Variants in LTBP1 observed in about 807,000 individuals in gnomAD.
The protein encoded by LTBP1 is latent-transforming growth factor beta-binding protein 1.
A neutral mutation model predicts 207.6 loss-of-function variants in LTBP1; 129 were observed. That is an observed-to-expected ratio of 0.62 (90% CI 0.54 to 0.72). The LOEUF (loss-of-function observed/expected upper bound fraction) is 0.72, where lower values mean the gene tolerates loss of function less well. Among genes scored for constraint, LTBP1 ranks in the 30% least tolerant of loss-of-function variants. The pLI is 0.00. For synonymous variants in LTBP1, 963 were observed against 833.7 expected (o/e 1.16, Z -2.67); for missense variants, 2,281 against 2,217.2 (o/e 1.03, Z -0.58).
chr2:33,361,905 C>CTG (rs1269436909), intron 28 of LTBP1, among the ~76,000 whole-genome samples: 2 of 152,158 alleles, frequency 1.3e-5, no homozygotes, highest in East Asian at 3.8e-4. Context: ...AATTTGACCA[C>CTG]TGTTTGTCTT....
At chr2:33,175,390 G>A (rs981671058) in intron 5 of LTBP1, among the ~76,000 whole-genome samples, 3 of 152,030 alleles carry the variant, frequency 2.0e-5, no homozygotes, top group East Asian at 1.9e-4. Context: ...GCAGCCAAAA[G>A]ACACATGAAA....
intron 3 of LTBP1, among the ~76,000 whole-genome samples, chr2:33,092,954 T>C (rs1458108108): frequency 6.6e-6 from 1 of 152,206 alleles, no homozygotes; most frequent in East Asian, 1.9e-4. Flanking sequence ...CCTGCACTCC[T>C]TCCTTTTAGG....
chr2:33,171,475 C>T (rs1209390903), intron 5 of LTBP1, among the ~76,000 whole-genome samples: 16 of 150,450 alleles, frequency 1.1e-4, no homozygotes, highest in South Asian at 4.2e-4. Flanking sequence ...TAAAAAGAAA[C>T]GAACAAAGCC....
chr2:33,051,507 A>G (rs898298971), intron 3 of LTBP1, among the ~76,000 whole-genome samples: 18 of 152,204 alleles, frequency 1.2e-4, no homozygotes, highest in Admixed American at 1.2e-3. Context: ...AGAGGCAGTT[A>G]GGCAGCCCCC....
intron 2 of LTBP1, among the ~76,000 whole-genome samples, chr2:32,979,561 T>C (rs1447335503): frequency 6.6e-6 from 1 of 152,136 alleles, no homozygotes; most frequent in Non-Finnish European, 1.5e-5. Flanking sequence ...AAATACTTAA[T>C]ATAATTTCAG....
At chr2:33,382,074 C>CTTTTTTTTTTTTTTTTTTTTT (rs70938398) in intron 31 of LTBP1, among the ~76,000 whole-genome samples, 1 of 46,764 alleles carries the variant, frequency 2.1e-5, no homozygotes, top group African/African-American at 7.9e-5. Context: ...CCTACTGCTT[C>CTTTTTTTTTTTTTTTTTTTTT]TTTTTTTTTT....
intron 31 of LTBP1, among the ~76,000 whole-genome samples, chr2:33,377,936 C>T (rs2095162521): frequency 6.6e-6 from 1 of 152,166 alleles, no homozygotes; most frequent in Admixed American, 6.5e-5. Flanking sequence ...GTGGGGGAAA[C>T]TGCCCCATGA....
chr2:33,194,434 C>T (rs966304765), intron 7 of LTBP1, among the ~76,000 whole-genome samples: 1 of 152,202 alleles, frequency 6.6e-6, no homozygotes, highest in African/African-American at 2.4e-5. Context: ...ATTAAAAGTG[C>T]TACTCCAGAG....
At chr2:33,135,482 C>T (rs2082071396) in intron 5 of LTBP1, among the ~76,000 whole-genome samples, 1 of 152,200 alleles carries the variant, frequency 6.6e-6, no homozygotes, top group Admixed American at 6.5e-5. Flanking sequence ...TGCCACGTTT[C>T]TGCTCCGTCT....
chr2:33,030,828 G>T (rs983576891), intron 3 of LTBP1, among the ~76,000 whole-genome samples: 1 of 152,050 alleles, frequency 6.6e-6, no homozygotes, highest in African/African-American at 2.4e-5. Context: ...GCTTTGAATG[G>T]TCTTATGAAG....
chr2:33,057,039 G>C (rs1048727739), intron 3 of LTBP1, among the ~76,000 whole-genome samples: 2 of 152,100 alleles, frequency 1.3e-5, no homozygotes, highest in African/African-American at 4.8e-5. Flanking sequence ...GCTAGATACA[G>C]AGTGTCGATT....
intron 9 of LTBP1, among the ~76,000 whole-genome samples, chr2:33,237,122 C>T (rs1261213351): frequency 6.6e-6 from 1 of 152,078 alleles, no homozygotes; most frequent in Non-Finnish European, 1.5e-5. Context: ...TGAAGCTGGC[C>T]CCAGAGAGCA....
intron 9 of LTBP1, among the ~76,000 whole-genome samples, chr2:33,223,766 A>C (rs1380570878): frequency 6.6e-6 from 1 of 152,180 alleles, no homozygotes; most frequent in East Asian, 1.9e-4. Flanking sequence ...TTCAGTGTTC[A>C]TTATTGTCTT....
intron 19 of LTBP1, among the ~76,000 whole-genome samples, chr2:33,281,271 G>A (rs1573593779): frequency 6.6e-6 from 1 of 152,130 alleles, no homozygotes. Flanking sequence ...AGGGTTCTAT[G>A]ATGCTGTGAG....
Position 33,160,461 on chromosome 2 carries a change from G to A in LTBP1, c.1201+25501G>A, listed in dbSNP as rs115042178. 4.8e-3 allele frequency among the ~76,000 whole-genome samples: 725 copies of A among 152,308 alleles called. 8 individuals are homozygous for A. The highest frequency in any genetic ancestry group is 8.9e-3 in the Non-Finnish European group (605 of 68,028). ...GCGTCCTTGGGTGGCCCTTCCAGGAGCTTGAATGCCTGTGTAAGTTTGGTT... is the reference window on the plus strand; with the variant it reads ...GCGTCCTTGGGTGGCCCTTCCAGGAACTTGAATGCCTGTGTAAGTTTGGTT... On this transcript the variant is annotated intron_variant, in intron 5 of 33. Coordinates refer to ENST00000404816, the MANE Select transcript of LTBP1 (RefSeq NM_206943.4).
intron 2 of LTBP1, among the ~76,000 whole-genome samples, chr2:33,005,091 T>C (rs893407309): frequency 3.3e-5 from 5 of 152,128 alleles, no homozygotes; most frequent in Non-Finnish European, 7.3e-5. Context: ...TGCAGCAGGC[T>C]CAGCATGGTG....
Position 33,166,731 on chromosome 2 carries a change from A to T in LTBP1, c.1202-20125A>T, listed in dbSNP as rs1229292950. 2.0e-5 allele frequency among the ~76,000 whole-genome samples: 3 copies of T among 152,328 alleles called. No individual in the cohort carries two copies. In the East Asian group the frequency reaches 5.8e-4, roughly 29 times the overall value. On this transcript the variant is annotated intron_variant, in intron 5 of 33. Transcript: ENST00000404816. ...AGGAAGTATATATGGAGCCCTGAGG[A>T]ATGAATAGGCATATTTTAATAACCT...
chr2:33,291,594 G>A (rs2093776094), intron 19 of LTBP1: 1 of 152,176 alleles, frequency 6.6e-6, no homozygotes, highest in Admixed American at 6.5e-5. Flanking sequence ...GAGTCAGTCT[G>A]GAAGTGCTAT....
chr2:32,957,864 C>T (rs1049572009), intron 2 of LTBP1, among the ~76,000 whole-genome samples: 5 of 152,166 alleles, frequency 3.3e-5, no homozygotes, highest in South Asian at 2.1e-4. Flanking sequence ...CTGCCTGTTA[C>T]GGATTGAGCA....
Sources: gnomAD v4.1 joint callset for allele counts (sites outside exome capture counted in the v4.1 genomes callset) on GRCh38, gnomAD v4.1.1 for gene constraint, MANE v1.5 for transcripts, NCBI Gene and HGNC (gene_info 2026-07-23, HGNC 2026-07-21) for gene names.